AKT3: variants seen among roughly 807,000 people sequenced by gnomAD.
AKT3 encodes RAC-gamma serine/threonine-protein kinase.
A neutral mutation model predicts 65.3 loss-of-function variants in AKT3; 15 were observed. The observed-to-expected ratio is 0.23, with a 90% CI of 0.15 to 0.35. The LOEUF is 0.35. Ranked by LOEUF, AKT3 falls within the 10% of genes least tolerant of loss-of-function variation. AKT3 has a pLI of 1.00. For missense variants in AKT3, 243 were observed against 576.5 expected, an observed-to-expected ratio of 0.42 and a Z score of 5.92; for synonymous variants, 206 against 183.8, an observed-to-expected ratio of 1.12 and a Z score of -0.98.
At chr1:243,727,695 C>T (rs551164567) in intron 2 of AKT3, among the ~76,000 whole-genome samples, 20 of 152,228 alleles carry the variant, frequency 1.3e-4, no homozygotes. Flanking sequence ...GAACTCATGA[C>T]ACCAAGTTTC....
At chr1:243,572,780 A>C in intron 9 of AKT3, 146 bp downstream of exon 9, 1 of 879,972 alleles carries the variant, frequency 1.1e-6, no homozygotes, top group Admixed American at 3.2e-5. Context: ...ATTTCCTTCA[A>C]ATGTAGTGAA....
At chr1:243,591,214 A>G (rs1442287989) in intron 8 of AKT3, among the ~76,000 whole-genome samples, 1 of 152,206 alleles carries the variant, frequency 6.6e-6, no homozygotes, top group Non-Finnish European at 1.5e-5. Flanking sequence ...ACTGAAAAGG[A>G]CCAGATGAAA....
intron 8 of AKT3, among the ~76,000 whole-genome samples, chr1:243,583,951 G>GA (rs150823055): frequency 3.0e-4 from 44 of 148,878 alleles, no homozygotes; most frequent in Middle Eastern, 3.4e-3. Context: ...GCTAGCAGAA[G>GA]AAAAAAAAAT....
chr1:243,489,797 C>T (rs1404856135), intron 13 of AKT3, among the ~76,000 whole-genome samples: 4 of 152,192 alleles, frequency 2.6e-5, no homozygotes, highest in Non-Finnish European at 5.9e-5. Context: ...GGAGGCTAAG[C>T]CTGACTCCAC....
At chr1:243,832,749 A>G (rs1694619453) in intron 2 of AKT3, among the ~76,000 whole-genome samples, 1 of 152,316 alleles carries the variant, frequency 6.6e-6, no homozygotes, top group South Asian at 2.1e-4. Context: ...AAATAGCTGG[A>G]AAGTGAGAGG....
At chr1:243,844,560 C>G (rs902851612) in intron 1 of AKT3, among the ~76,000 whole-genome samples, 4 of 152,140 alleles carry the variant, frequency 2.6e-5, no homozygotes, top group Non-Finnish European at 4.4e-5. Context: ...CTCACTGCAG[C>G]CTCCAATGGG....
At chr1:243,734,626 G>A (rs1358532853) in intron 2 of AKT3, among the ~76,000 whole-genome samples, 2 of 152,188 alleles carry the variant, frequency 1.3e-5, no homozygotes, top group Admixed American at 6.5e-5. Flanking sequence ...GTGACTCTGG[G>A]TGAATCACTG....
chr1:243,507,629 A>T (rs1028211113), intron 13 of AKT3, among the ~76,000 whole-genome samples: 1 of 152,234 alleles, frequency 6.6e-6, no homozygotes, highest in Non-Finnish European at 1.5e-5. Context: ...TGCATAGGGA[A>T]TAGTGATGAT....
intron 2 of AKT3, among the ~76,000 whole-genome samples, chr1:243,708,103 T>C (rs1421724126): frequency 6.6e-6 from 1 of 152,040 alleles, no homozygotes; most frequent in Non-Finnish European, 1.5e-5. Flanking sequence ...ATCTTAACTT[T>C]TCCAGGTAAT....
chr1:243,647,564 C>T (rs1680915391), intron 4 of AKT3, among the ~76,000 whole-genome samples: 1 of 152,116 alleles, frequency 6.6e-6, no homozygotes. Flanking sequence ...TCTAATTGTA[C>T]TTATTAGTAT....
intron 12 of AKT3, among the ~76,000 whole-genome samples, chr1:243,519,835 G>C (rs1670601226): frequency 1.3e-5 from 2 of 152,090 alleles, no homozygotes; most frequent in Non-Finnish European, 2.9e-5. Context: ...GTAAAAAAAA[G>C]ACTGCACTGA....
chr1:243,561,806 A>T (rs891666243), intron 10 of AKT3, among the ~76,000 whole-genome samples: 1 of 151,996 alleles, frequency 6.6e-6, no homozygotes, highest in African/African-American at 2.4e-5. Flanking sequence ...ATCAACCATC[A>T]CTTTCGCTGA....
chr1:243,799,965 A>G (rs920326742), intron 2 of AKT3, among the ~76,000 whole-genome samples: 1 of 152,082 alleles, frequency 6.6e-6, no homozygotes, highest in Non-Finnish European at 1.5e-5. Flanking sequence ...CAAGTAACTG[A>G]ATTCTGTCTA....
At position 243,693,242 on chromosome 1, in the gene AKT3, T is replaced by TTATATATATATATATA. The variant is rs747780262; in HGVS notation, c.172+2348_172+2349insTATATATATATATATA. ...ATATATCCCTTTGGTAGCTACAATT[T>TTATATATATATATATA]GATATATATATATATATATATATAT... On this transcript the variant is annotated intron_variant, in intron 3 of 13. Transcript: ENST00000673466. Among the ~76,000 whole-genome samples the TTATATATATATATATA allele has an allele frequency of 5.8e-4, 35 of 59,980 alleles. 10 individuals carry two copies. The highest frequency in any genetic ancestry group is 1.6e-3 in the East Asian group (3 of 1,860). The allele number at this position is 59,980 out of a possible 152,430, so 39.3% of individuals were successfully genotyped here.
At chr1:243,771,359 T>G (rs968751168) in intron 2 of AKT3, among the ~76,000 whole-genome samples, 23 of 152,170 alleles carry the variant, frequency 1.5e-4, no homozygotes, top group African/African-American at 5.5e-4. Flanking sequence ...TTTTCCATGT[T>G]CTATTCTGTG....
In AKT3 at chr1:243,620,428, G is replaced by C. The variant is rs1030746534; in HGVS notation, c.562-5267C>G. On this transcript the variant is annotated intron_variant, in intron 6 of 13. Coordinates refer to ENST00000673466, the MANE Select transcript of AKT3 (RefSeq NM_005465.7). ...TTGATTTGCATTTCCCTGATGAGTA[G>C]TGATATGACACACTTTTACAAATTA... 5.3e-3 allele frequency among the ~76,000 whole-genome samples: 219 copies of C among 41,178 alleles called. 82 individuals are homozygous for C. The highest frequency in any genetic ancestry group is 0.02 in the Non-Finnish European group (147 of 7,196). 27.0% of individuals were successfully genotyped at this position (41,178 alleles called of 152,430 possible). A position where few individuals can be genotyped will look rare whatever the true frequency, so the allele number is the denominator to read the frequency against.
At chr1:243,729,921 T>C (rs1389213728) in intron 2 of AKT3, among the ~76,000 whole-genome samples, 3 of 152,208 alleles carry the variant, frequency 2.0e-5, no homozygotes, top group Admixed American at 6.5e-5. Flanking sequence ...TACTGACACC[T>C]TCCTAACAGC....
At chr1:243,669,768 A>C (rs1683042920) in intron 3 of AKT3, among the ~76,000 whole-genome samples, 1 of 152,218 alleles carries the variant, frequency 6.6e-6, no homozygotes, top group Admixed American at 6.5e-5. Flanking sequence ...AAAAGATATT[A>C]CTATAATTAC....
chr1:243,506,230 C>A (rs1263541744), intron 13 of AKT3, among the ~76,000 whole-genome samples: 2 of 152,264 alleles, frequency 1.3e-5, no homozygotes, highest in African/African-American at 4.8e-5. Context: ...GCCTCACAGT[C>A]TCCTGGGGGA....
Sources: gnomAD v4.1 joint callset for allele counts (sites outside exome capture counted in the v4.1 genomes callset) on GRCh38, gnomAD v4.1.1 for gene constraint, MANE v1.5 for transcripts, NCBI Gene and HGNC (gene_info 2026-07-23, HGNC 2026-07-21) for gene names.